SEC24C: variants seen among roughly 807,000 people sequenced by gnomAD.
SEC24C encodes the protein protein transport protein Sec24C.
A neutral mutation model predicts 117.0 loss-of-function variants in SEC24C; 22 were observed. That is an observed-to-expected ratio of 0.19 (90% CI 0.13 to 0.27). The LOEUF is 0.27. SEC24C is among the 10% of genes least tolerant of loss of function. SEC24C has a pLI of 1.00. For missense variants in SEC24C, 1,155 were observed against 1,375.1 expected (o/e 0.84, Z 2.53); for synonymous variants, 506 against 529.4 (o/e 0.96, Z 0.61).
Position 73,769,575 on chromosome 10 carries a change from T to C in SEC24C, c.2564-40T>C. On this transcript the variant is annotated intron_variant, in intron 18 of 22. Coordinates refer to ENST00000345254, the MANE Select transcript of SEC24C (RefSeq NM_198597.3). This position sits in a 1 kb window ranked among gnomAD's most constrained non-coding sequence, Gnocchi z 4.5. Reference sequence around the variant, plus strand: ...TGTGATGGTGGGAATGCACACATGATGGGCAGCTGACCAGTGACTATCTTT... The same window carrying C: ...TGTGATGGTGGGAATGCACACATGACGGGCAGCTGACCAGTGACTATCTTT... The C allele has an allele frequency of 1.9e-6, 3 of 1,613,148 alleles. No individual in the cohort carries two copies. The highest frequency in any genetic ancestry group is 2.5e-6 in the Non-Finnish European group (3 of 1,179,228).
intron 2 of SEC24C, among the ~76,000 whole-genome samples, chr10:73,748,279 G>T (rs1296027285): frequency 6.6e-6 from 1 of 151,208 alleles, no homozygotes; most frequent in Admixed American, 6.6e-5. Context: ...GTGATTACAG[G>T]CTCCCGCCAC....
intron 8 of SEC24C, among the ~76,000 whole-genome samples, chr10:73,764,945 T>C (rs1374422203): frequency 6.6e-6 from 1 of 152,212 alleles, no homozygotes; most frequent in Admixed American, 6.5e-5. Context: ...CTGGGTCCCA[T>C]TGGGGATAGT....
Position 73,759,640 on chromosome 10 carries a change from A to G in SEC24C, c.327A>G (p.Pro109=), listed in dbSNP as rs372526216. The G allele has an allele frequency of 6.5e-7, 1 of 1,535,612 alleles. No individual in the cohort carries two copies. ...TTCACAGGCTGCCTGGGTCTCAGCCATTTGGGTCCCCATTGGCCCCTGTGG... is the reference window on the plus strand; with the variant it reads ...TTCACAGGCTGCCTGGGTCTCAGCCGTTTGGGTCCCCATTGGCCCCTGTGG... The part of the protein sequence containing the change: ...VQMQRLPGSQ[P]FGSPLAPVGN... Residue 109 remains proline (P), a synonymous_variant, in exon 4 of 23, where the codon CCA becomes CCG. Transcript: ENST00000345254.
In SEC24C at chr10:73,767,087, C is replaced by G. The variant is rs1450725964; in HGVS notation, c.1927C>G (p.His643Asp). 5 of 1,613,824 alleles carry G rather than the reference C, an allele frequency of 3.1e-6. No homozygotes were observed. The highest frequency in any genetic ancestry group is 4.2e-6 in the Non-Finnish European group (5 of 1,179,890). The change falls in exon 14 of 23, where the codon CAT (histidine) becomes GAT (aspartate). Residue 643 changes from histidine to aspartate, a missense_variant. Transcript: ENST00000345254. The stretch of plus-strand genomic sequence containing the variant: ...GTGTGCAGGGAAGCTCTTTCTATTC[C>G]ATACATCCCTGCCCATTGCAGAGGC... ...AECAGKLFLF[H>D]TSLPIAEAPG... is the part of the protein sequence containing the mutation.
chr10:73,768,650 C>CT (rs970879918), intron 15 of SEC24C, among the ~76,000 whole-genome samples, 160 bp from the exon 16 acceptor site: 51 of 152,140 alleles, frequency 3.4e-4, no homozygotes, highest in African/African-American at 1.2e-3. Context: ...GGCATGCAGT[C>CT]TAAGTGTTTA....
At chr10:73,747,159 C>T (rs968543622) in intron 2 of SEC24C, among the ~76,000 whole-genome samples, 155 bp downstream of exon 2, 4 of 152,074 alleles carry the variant, frequency 2.6e-5, no homozygotes, top group Admixed American at 6.6e-5. Context: ...GCCCCGTGGG[C>T]GCCCTTCCCT....
At position 73,769,961 on chromosome 10, in the gene SEC24C, C is replaced by T; in HGVS notation, c.2808C>T (p.Thr936=). ...GTGCCTATGTCCGACAGCTAGTTAC[C>T]TCCATGGATGTGACTGAGACCAATG... ...DDRAYVRQLV[T]SMDVTETNVF... Residue 936 remains threonine, a synonymous_variant, in exon 20 of 23, where the codon ACC becomes ACT. Coordinates refer to ENST00000345254, the MANE Select transcript of SEC24C (RefSeq NM_198597.3). This position sits in a 1 kb window ranked among gnomAD's most constrained non-coding sequence, Gnocchi z 4.5. 1 of 1,614,096 alleles carries T rather than the reference C, an allele frequency of 6.2e-7. No individual in the cohort carries two copies. The highest frequency in any genetic ancestry group is 8.5e-7 in the Non-Finnish European group (1 of 1,179,968).
At chr10:73,768,110 A>G (rs1216548901) in intron 15 of SEC24C, 103 bp downstream of exon 15, 1 of 1,080,636 alleles carries the variant, frequency 9.3e-7, no homozygotes, top group Non-Finnish European at 1.3e-6. Context: ...GGGGCCAGGC[A>G]CGGTGCCTCA....
intron 3 of SEC24C, among the ~76,000 whole-genome samples, chr10:73,752,346 ACTC>A (rs946417483): frequency 1.3e-4 from 19 of 151,382 alleles, no homozygotes; most frequent in Non-Finnish European, 1.9e-4. Flanking sequence ...TGATCTCAAA[ACTC>A]CTGAGCTCAA....
rs770029553 is a variant in SEC24C at position 73,760,098 on chromosome 10, C to T, written c.562C>T (p.Pro188Ser). The change falls in exon 5 of 23, where the codon CCT becomes TCT. Residue 188 changes from proline (P) to serine (S), a missense_variant. Around this residue, in one of 2 missense-constraint regions of SEC24C, gnomAD observed 396 missense variants for 382.8 expected, o/e 1.03. Coordinates refer to ENST00000345254, the MANE Select transcript of SEC24C (RefSeq NM_198597.3). Reference sequence around the variant, plus strand: ...TGGCTCCTATCCTCAGGGCCAGGCTCCTCCCCTTAGCCAGGCCCAAGGTCA... The same window carrying T: ...TGGCTCCTATCCTCAGGGCCAGGCTTCTCCCCTTAGCCAGGCCCAAGGTCA... ...LYGSYPQGQA[P>S]PLSQAQGHPG... is the part of the protein sequence containing the mutation. The T allele has an allele frequency of 9.3e-6, 15 of 1,613,924 alleles. No homozygotes were observed. The highest frequency in any genetic ancestry group is 2.7e-5 in the African/African-American group (2 of 74,920).
At position 73,771,199 on chromosome 10, in the gene SEC24C, T is replaced by C; in HGVS notation, c.*104T>C. The C allele has an allele frequency of 7.4e-7, 1 of 1,357,546 alleles. No homozygotes were observed. The highest frequency in any genetic ancestry group is 1.5e-5 in the African/African-American group (1 of 68,762). The allele number at this position is 1,357,546 out of a possible 1,614,324, so 84.1% of individuals were successfully genotyped here. The stretch of plus-strand genomic sequence containing the variant: ...CATATCTTATGTAAGCTGACCTCAG[T>C]CTCTCTGGGGGGAGGGGGAGATATA... On this transcript the variant is annotated 3_prime_UTR_variant, in exon 23 of 23. Transcript: ENST00000345254.
In SEC24C at chr10:73,769,343, C is replaced by CT. The variant is rs767603557; in HGVS notation, c.2425-3dup. The CT allele has an allele frequency of 6.2e-7, 1 of 1,613,752 alleles. No homozygotes were observed. The highest frequency in any genetic ancestry group is 1.7e-5 in the Admixed American group (1 of 59,984). On this transcript the variant is annotated splice_region_variant and splice_polypyrimidine_tract_variant and intron_variant, in intron 17 of 22. Coordinates refer to ENST00000345254, the MANE Select transcript of SEC24C (RefSeq NM_198597.3). The surrounding 1 kb of genome is among the most constrained non-coding windows in gnomAD (Gnocchi z 4.5). The stretch of plus-strand genomic sequence containing the variant: ...GTGAGTTCCCCCTTTCTCCTTTCCC[C>CT]TAGTGTGCCCTGCTTTACACCAGCT...
chr10:73,767,178 A>T lies in SEC24C; in HGVS notation c.2010+8A>T, dbSNP rs1565047494. 1.9e-6 allele frequency: 3 copies of T among 1,580,208 alleles called. No homozygotes were observed. The highest frequency in any genetic ancestry group is 2.6e-6 in the Non-Finnish European group (3 of 1,149,872). On this transcript the variant is annotated splice_region_variant and intron_variant, in intron 14 of 22. Coordinates refer to ENST00000345254, the MANE Select transcript of SEC24C (RefSeq NM_198597.3). Reference sequence around the variant, plus strand: ...AATACAGACAAGGAGAAGGTGTGGGACTGGAAAATGGGGGAGGGGAAGGAT... The same window carrying T: ...AATACAGACAAGGAGAAGGTGTGGGTCTGGAAAATGGGGGAGGGGAAGGAT...
intron 6 of SEC24C, 25 bp downstream of exon 6, chr10:73,760,874 G>A: frequency 6.3e-7 from 1 of 1,587,904 alleles, no homozygotes; most frequent in Non-Finnish European, 8.6e-7. Flanking sequence ...TCATGGTCCT[G>A]AGGAAGGGTT....
chr10:73,760,187 T>C lies in SEC24C; in HGVS notation c.651T>C (p.Ala217=), dbSNP rs2082775368. 6.2e-7 allele frequency: 1 copy of C among 1,614,144 alleles called. No individual in the cohort carries two copies. Among genetic ancestry groups the C allele is most frequent in the Non-Finnish European group, 8.5e-7 (1 of 1,180,016 alleles). ...AGGCCTCCAGCTTCACACCCCCAGCTTCAGGGGGTCCTCGGCTGCCTTCGA... is the reference window on the plus strand; with the variant it reads ...AGGCCTCCAGCTTCACACCCCCAGCCTCAGGGGGTCCTCGGCTGCCTTCGA... ...PSQASSFTPP[A]SGGPRLPSMT... Residue 217 remains alanine (A), a synonymous_variant, in exon 5 of 23, where the codon GCT becomes GCC. Coordinates refer to ENST00000345254, the MANE Select transcript of SEC24C (RefSeq NM_198597.3).
chr10:73,760,966 C>T, intron 6 of SEC24C, 117 bp downstream of exon 6: 1 of 1,168,416 alleles, frequency 8.6e-7, no homozygotes, highest in Non-Finnish European at 1.2e-6. Flanking sequence ...TGTTCATCTT[C>T]TTGGAGAACT....
chr10:73,770,634 C>T, intron 21 of SEC24C, 75 bp from the exon 22 acceptor site: 1 of 1,529,620 alleles, frequency 6.5e-7, no homozygotes, highest in Non-Finnish European at 9.1e-7. Flanking sequence ...TCAGATGATG[C>T]ATACATGTAT....
chr10:73,757,067 C>T (rs556400737), intron 3 of SEC24C, among the ~76,000 whole-genome samples: 3 of 149,560 alleles, frequency 2.0e-5, no homozygotes, highest in Non-Finnish European at 3.0e-5. Context: ...TGCACTACCA[C>T]GCCTGGGCTA....
rs757546572 is a variant in SEC24C, at chr10:73,766,088, C to T, written c.1485C>T (p.Asn495=). The T allele has an allele frequency of 6.2e-7, 1 of 1,612,454 alleles. No individual in the cohort carries two copies. Among genetic ancestry groups the T allele is most frequent in the Non-Finnish European group, 8.5e-7 (1 of 1,179,726 alleles). The change falls in exon 11 of 23, where the codon AAC becomes AAT. Residue 495 remains asparagine, a splice_region_variant and synonymous_variant. Transcript: ENST00000345254. ...EFLATVDYCK[N]NKFPSPPAFI... Reference sequence around the variant, plus strand: ...CCCAACATTTTCTTCCTCTGCAGAACAATAAGTTCCCCAGCCCTCCTGCCT... The same window carrying T: ...CCCAACATTTTCTTCCTCTGCAGAATAATAAGTTCCCCAGCCCTCCTGCCT...
Sources: allele counts gnomAD v4.1 joint callset (sites outside exome capture counted in the v4.1 genomes callset), GRCh38; gene constraint gnomAD v4.1.1; regional missense constraint gnomAD v4.1.1; non-coding constraint Gnocchi (gnomAD v3.1); transcripts MANE v1.5; gene names NCBI Gene and HGNC (gene_info 2026-07-23, HGNC 2026-07-21).